The following OPCML variants were observed in gnomAD, a reference collection of about 807,000 sequenced individuals.
OPCML encodes opioid binding protein/cell adhesion molecule like.
Under a neutral mutation model 37.8 loss-of-function variants are expected in OPCML, and 13 were observed. The observed-to-expected ratio is 0.34, with a 90% CI of 0.22 to 0.55. The LOEUF (loss-of-function observed/expected upper bound fraction) is 0.55, where lower values mean the gene tolerates loss of function less well. Among genes scored for constraint, OPCML ranks in the 20% least tolerant of loss-of-function variants. The pLI, the probability that OPCML is intolerant of heterozygous loss-of-function variation, is 0.91. For synonymous variants in OPCML, 176 were observed against 168.8 expected, an observed-to-expected ratio of 1.04 and a Z score of -0.33; for missense variants, 341 against 435.6, an observed-to-expected ratio of 0.78 and a Z score of 1.93.
At chr11:132,885,933 G>A (rs1022199954) in intron 2 of OPCML, among the ~76,000 whole-genome samples, 201 of 151,718 alleles carry the variant, frequency 1.3e-3, no homozygotes, top group African/African-American at 4.5e-3. Flanking sequence ...CATGTCCCAC[G>A]AGACAGAAAC....
At chr11:132,672,534 T>A (rs1942520652) in intron 2 of OPCML, among the ~76,000 whole-genome samples, 1 of 152,180 alleles carries the variant, frequency 6.6e-6, no homozygotes, top group Non-Finnish European at 1.5e-5. Context: ...GCTCTCTGTG[T>A]GTGGCTCCCT....
chr11:133,487,914 G>A (rs891405287), intron 1 of OPCML, among the ~76,000 whole-genome samples: 1 of 89,510 alleles, frequency 1.1e-5, no homozygotes, highest in Admixed American at 1.3e-4. Flanking sequence ...ACATCAAAAA[G>A]ATAATGCACC....
chr11:132,781,584 A>C (rs1391346863), intron 2 of OPCML, among the ~76,000 whole-genome samples: 1 of 144,956 alleles, frequency 6.9e-6, no homozygotes, highest in East Asian at 2.0e-4. Flanking sequence ...ACACCCACAC[A>C]CACATACACA....
At chr11:132,501,526 T>C (rs2508935) in intron 4 of OPCML, among the ~76,000 whole-genome samples, 78,452 of 151,962 alleles carry the variant, frequency 0.52, 21,155 homozygotes, top group East Asian at 0.8. Flanking sequence ...ACATTTTTGC[T>C]TTTTCCAGCC....
rs1285649229 is a variant in OPCML, at chr11:133,174,586, T to C, written c.62-231576A>G. ...AAAGAGTTGTACTCTATCTATACAG[T>C]AAGTATATGCATTTATTTGTGTTGA... is the stretch of plus-strand genomic sequence containing the variant. On this transcript the variant is annotated intron_variant, in intron 1 of 7. Coordinates refer to ENST00000524381, the MANE Select transcript of OPCML (RefSeq NM_001012393.5). The surrounding 1 kb of genome is among the most constrained non-coding windows in gnomAD (Gnocchi z 4.6). 1.4e-5 allele frequency among the ~76,000 whole-genome samples: 2 copies of C among 145,934 alleles called. No homozygotes were observed. Among genetic ancestry groups the C allele is most frequent in the Non-Finnish European group, 3.0e-5 (2 of 67,448 alleles).
chr11:132,782,917 GTATATATATA>G (rs59984496), intron 2 of OPCML, among the ~76,000 whole-genome samples: 30 of 125,080 alleles, frequency 2.4e-4, no homozygotes, highest in African/African-American at 6.7e-4. Flanking sequence ...TATAGTGTGT[GTATATATATA>G]TATATATATA....
chr11:132,639,441 C>T (rs1340102239), intron 3 of OPCML, among the ~76,000 whole-genome samples: 3 of 152,162 alleles, frequency 2.0e-5, no homozygotes, highest in African/African-American at 7.2e-5. Context: ...TAAGCTAGCC[C>T]CAACCCCTGG....
rs528398696 is a variant in OPCML at position 132,709,694 on chromosome 11, A to G, written c.147-52375T>C. On this transcript the variant is annotated intron_variant, in intron 2 of 7. Transcript: ENST00000524381. ...TACAGTTTTGCCCTTTCCATGCTCT[A>G]TTCATGAGATGATAGCCACTAACTA... Among the ~76,000 whole-genome samples the G allele has an allele frequency of 5.3e-4, 80 of 152,254 alleles. No individual in the cohort carries two copies. In the South Asian group the frequency reaches 0.016, roughly 31 times the overall value.
chr11:133,278,633 G>A (rs1942058032), intron 1 of OPCML, among the ~76,000 whole-genome samples: 2 of 151,958 alleles, frequency 1.3e-5, no homozygotes, highest in Non-Finnish European at 2.9e-5. Context: ...CTAGATGTGT[G>A]AGTTTCATAC....
intron 1 of OPCML, among the ~76,000 whole-genome samples, chr11:133,220,424 A>G (rs1592116698): frequency 6.6e-6 from 1 of 152,036 alleles, no homozygotes; most frequent in African/African-American, 2.4e-5. Context: ...CATGAAGGCC[A>G]CCCTTGCTTT....
intron 1 of OPCML, chr11:133,007,375 G>C (rs771896807): frequency 6.7e-5 from 66 of 985,360 alleles, no homozygotes; most frequent in Non-Finnish European, 7.6e-5. Flanking sequence ...CTCAGCCACA[G>C]AGCAGATACT....
intron 1 of OPCML, among the ~76,000 whole-genome samples, chr11:133,458,780 T>TACACATAGATGCACGTGTGTGTGTATAG (rs1946782830): frequency 6.7e-6 from 1 of 148,356 alleles, no homozygotes; most frequent in East Asian, 2.0e-4. Flanking sequence ...TGTGTGTATA[T>TACACATAGATGCACGTGTGTGTGTATAG]ACACATAGAT....
At chr11:132,787,477 C>A (rs1346101281) in intron 2 of OPCML, among the ~76,000 whole-genome samples, 3 of 151,992 alleles carry the variant, frequency 2.0e-5, no homozygotes. Flanking sequence ...TAGCTTTGTT[C>A]AGTTTTCACA....
intron 1 of OPCML, among the ~76,000 whole-genome samples, chr11:132,986,648 A>G (rs936510169): frequency 5.9e-5 from 9 of 152,238 alleles, no homozygotes; most frequent in African/African-American, 2.2e-4. Context: ...AAAAATATAG[A>G]AAGTTAAGCT....
chr11:133,191,829 G>A (rs974268750), intron 1 of OPCML, among the ~76,000 whole-genome samples: 4 of 152,078 alleles, frequency 2.6e-5, no homozygotes, highest in African/African-American at 4.8e-5. Flanking sequence ...TCTCACAGAT[G>A]CCCATTAAAA....
chr11:133,330,278 C>T (rs1275676601), intron 1 of OPCML, among the ~76,000 whole-genome samples: 2 of 152,120 alleles, frequency 1.3e-5, no homozygotes, highest in Non-Finnish European at 2.9e-5. Flanking sequence ...GTCAGTGTGG[C>T]GATTCCTCAG....
At chr11:133,495,229 A>G (rs1397587094) in intron 1 of OPCML, among the ~76,000 whole-genome samples, 1 of 152,224 alleles carries the variant, frequency 6.6e-6, no homozygotes, top group Non-Finnish European at 1.5e-5. Context: ...TGCAAATGCC[A>G]TTAATTCATT....
intron 3 of OPCML, among the ~76,000 whole-genome samples, chr11:132,622,156 AG>A (rs1354055398): frequency 2.6e-5 from 4 of 152,090 alleles, no homozygotes; most frequent in African/African-American, 9.7e-5. Flanking sequence ...AAAAAAAAAA[AG>A]TTGACTCACA....
At chr11:133,494,037 T>A (rs1591562777) in intron 1 of OPCML, among the ~76,000 whole-genome samples, 2 of 149,556 alleles carry the variant, frequency 1.3e-5, no homozygotes, top group South Asian at 2.1e-4. Context: ...CACAACCCCA[T>A]CAAAAAGTGG....
Sources: gnomAD v4.1 joint callset for allele counts (sites outside exome capture counted in the v4.1 genomes callset) on GRCh38, gnomAD v4.1.1 for gene constraint, Gnocchi (gnomAD v3.1) non-coding constraint, MANE v1.5 for transcripts, NCBI Gene and HGNC (gene_info 2026-07-23, HGNC 2026-07-21) for gene names.